AFF3: variants seen among roughly 807,000 people sequenced by gnomAD.
AFF3 encodes ALF transcription elongation factor 3.
AFF3 carries 32 observed loss-of-function variants against 129.7 expected under a neutral mutation model. The observed-to-expected ratio is 0.25, with a 90% CI of 0.19 to 0.33. The LOEUF is 0.33. Among genes scored for constraint, AFF3 ranks in the 10% least tolerant of loss-of-function variants. AFF3 has a pLI of 1.00. For missense variants in AFF3, 1,373 were observed against 1,592.0 expected (o/e 0.86, Z 2.34); for synonymous variants, 644 against 635.4 (o/e 1.01, Z -0.20).
rs369935025 is a variant in AFF3, at chr2:99,706,482, C to T, written c.1091+20595G>A. Among the ~76,000 whole-genome samples, 22 of 152,358 alleles carry T rather than the reference C, an allele frequency of 1.4e-4. 1 individual carries two copies. The South Asian group carries it at 1.7e-3, about 11-fold the overall frequency. ...GCAGCCAGGCTTGTGGGCTTACCAT[C>T]TCTGGCCCTCTGGAAAGAGCCTGGC... is the stretch of plus-strand genomic sequence containing the variant. On this transcript the variant is annotated intron_variant, in intron 11 of 24. Coordinates refer to ENST00000672756, the MANE Select transcript of AFF3 (RefSeq NM_001386135.1).
chr2:99,823,921 T>G (rs1007452100), intron 8 of AFF3, among the ~76,000 whole-genome samples: 9 of 151,962 alleles, frequency 5.9e-5, no homozygotes, highest in Non-Finnish European at 1.3e-4. Flanking sequence ...GACATCAGGA[T>G]GGGAGCGATA....
intron 7 of AFF3, among the ~76,000 whole-genome samples, chr2:99,870,682 C>G (rs1691806501): frequency 6.6e-6 from 1 of 152,226 alleles, no homozygotes; most frequent in Non-Finnish European, 1.5e-5. Flanking sequence ...ATTGAAGGCA[C>G]TTTGTAACCA....
chr2:99,959,660 G>A (rs909025108), intron 7 of AFF3, among the ~76,000 whole-genome samples: 2 of 148,352 alleles, frequency 1.3e-5, no homozygotes, highest in East Asian at 2.0e-4. Context: ...GAGTTGAATG[G>A]AAACATGAAC....
At chr2:99,729,581 C>T (rs953429855) in intron 10 of AFF3, among the ~76,000 whole-genome samples, 1 of 152,100 alleles carries the variant, frequency 6.6e-6, no homozygotes, top group African/African-American at 2.4e-5. Context: ...TCCCCCACAT[C>T]TTGAAATTTT....
At chr2:100,067,763 T>G (rs1276916646) in intron 4 of AFF3, among the ~76,000 whole-genome samples, 2 of 152,122 alleles carry the variant, frequency 1.3e-5, no homozygotes, top group Non-Finnish European at 2.9e-5. Context: ...ACAAGAGAAC[T>G]ATGTCCTAGA....
At chr2:100,046,684 T>A (rs1008186111) in intron 4 of AFF3, among the ~76,000 whole-genome samples, 1 of 152,252 alleles carries the variant, frequency 6.6e-6, no homozygotes, top group African/African-American at 2.4e-5. Flanking sequence ...ATAAATTATC[T>A]GTTAGTTTTA....
rs561374853 is a variant in AFF3, at chr2:100,086,526, G to C, written c.53+17876C>G. Among the ~76,000 whole-genome samples the C allele has an allele frequency of 8.5e-5, 13 of 152,248 alleles. No homozygotes were observed. In the East Asian group the frequency reaches 2.5e-3, roughly 29 times the overall value. ...CAGAGTGAGACTCCATCTCAAAAAA[G>C]AGAGAGAGAAAAGAAAAAAGAATTC... On this transcript the variant is annotated intron_variant, in intron 4 of 24. Coordinates refer to ENST00000672756, the MANE Select transcript of AFF3 (RefSeq NM_001386135.1).
chr2:100,100,547 A>C (rs1049632481), intron 4 of AFF3, among the ~76,000 whole-genome samples: 1 of 152,068 alleles, frequency 6.6e-6, no homozygotes, highest in Admixed American at 6.6e-5. Context: ...TCCATCCTCC[A>C]CCCAAGTCCC....
At chr2:99,643,263 T>C (rs115442474) in intron 13 of AFF3, among the ~76,000 whole-genome samples, 4,447 of 152,154 alleles carry the variant, frequency 0.029, 91 homozygotes, top group Non-Finnish European at 0.042. Flanking sequence ...TTTCACCATA[T>C]TGATCATGCT....
chr2:99,844,434 C>CTTTTTTTTTTTT (rs984233053), intron 7 of AFF3, among the ~76,000 whole-genome samples: 3 of 92,464 alleles, frequency 3.2e-5, no homozygotes, highest in African/African-American at 4.3e-5. Flanking sequence ...TTTTTCTTTT[C>CTTTTTTTTTTTT]TTTTTTTTTT....
intron 7 of AFF3, among the ~76,000 whole-genome samples, chr2:99,952,049 C>A (rs1360272052): frequency 6.6e-6 from 1 of 152,200 alleles, no homozygotes; most frequent in Non-Finnish European, 1.5e-5. Flanking sequence ...CCCTTTATTT[C>A]AGAAAGGCCT....
At chr2:99,644,201 T>A (rs182888739) in intron 13 of AFF3, among the ~76,000 whole-genome samples, 1 of 152,226 alleles carries the variant, frequency 6.6e-6, no homozygotes, top group East Asian at 1.9e-4. Context: ...TGGTGATGCA[T>A]CTCCAAGGCT....
At chr2:99,773,478 T>TCAAAATGC (rs1683652042) in intron 8 of AFF3, among the ~76,000 whole-genome samples, 1 of 152,034 alleles carries the variant, frequency 6.6e-6, no homozygotes, top group Non-Finnish European at 1.5e-5. Flanking sequence ...GCTCAAACGT[T>TCAAAATGC]TTGGGAATTC....
chr2:99,755,273 T>C (rs559412187), intron 8 of AFF3, among the ~76,000 whole-genome samples: 6 of 151,558 alleles, frequency 4.0e-5, no homozygotes, highest in Non-Finnish European at 7.4e-5. Flanking sequence ...TTTTCCTATT[T>C]TTTTTTTTTT....
intron 4 of AFF3, among the ~76,000 whole-genome samples, chr2:100,074,261 G>A (rs1688422962): frequency 6.6e-6 from 1 of 152,102 alleles, no homozygotes; most frequent in Non-Finnish European, 1.5e-5. Context: ...GGACTTTTCT[G>A]CCTCCTGGCC....
At chr2:99,827,106 G>C (rs1006243413) in intron 8 of AFF3, among the ~76,000 whole-genome samples, 1 of 152,186 alleles carries the variant, frequency 6.6e-6, no homozygotes, top group African/African-American at 2.4e-5. Flanking sequence ...TTAAGGTGCA[G>C]GTGTCCATGA....
At chr2:99,895,635 G>A (rs186331489) in intron 7 of AFF3, among the ~76,000 whole-genome samples, 75 of 152,138 alleles carry the variant, frequency 4.9e-4, no homozygotes, top group Admixed American at 3.6e-3. Flanking sequence ...CACAGTGAGC[G>A]TCCGGGCTAT....
chr2:99,672,484 G>C (rs994265895), intron 12 of AFF3, 54 bp downstream of exon 12: 2 of 1,564,980 alleles, frequency 1.3e-6, no homozygotes, highest in Non-Finnish European at 1.8e-6. Flanking sequence ...AGTCCACCAG[G>C]TAACTGTTAC....
At chr2:99,629,329 G>A (rs1052299322) in intron 13 of AFF3, among the ~76,000 whole-genome samples, 2 of 152,118 alleles carry the variant, frequency 1.3e-5, no homozygotes, top group Non-Finnish European at 2.9e-5. Context: ...ATACAAACTC[G>A]ACATACAAAA....
Sources: gnomAD v4.1 joint callset for allele counts (sites outside exome capture counted in the v4.1 genomes callset) on GRCh38, gnomAD v4.1.1 for gene constraint, MANE v1.5 for transcripts, NCBI Gene and HGNC (gene_info 2026-07-23, HGNC 2026-07-21) for gene names.